PELO: variants seen among roughly 807,000 people sequenced by gnomAD.
The protein encoded by PELO is pelota mRNA surveillance and ribosome rescue factor.
In PELO, 19 loss-of-function variants were observed where a neutral mutation model predicts 25.9. That is an observed-to-expected ratio of 0.73 (90% CI 0.51 to 1.08). PELO has a LOEUF of 1.08. Among genes scored for constraint, PELO ranks in the 50% least tolerant of loss-of-function variants. PELO has a pLI of 0.00. For missense variants in PELO, 498 were observed against 491.4 expected, an observed-to-expected ratio of 1.01 and a Z score of -0.13; for synonymous variants, 196 against 192.2, an observed-to-expected ratio of 1.02 and a Z score of -0.16.
At chr5:52,791,616 C>T (rs1410252330) in intron 1 of PELO, among the ~76,000 whole-genome samples, 2 of 152,154 alleles carry the variant, frequency 1.3e-5, no homozygotes, top group Non-Finnish European at 2.9e-5. Flanking sequence ...CAACTTAACC[C>T]CGAAATGTAT....
In PELO at chr5:52,801,059, T is replaced by A; in HGVS notation, c.665T>A (p.Phe222Tyr). 1 of 1,613,382 alleles carries A rather than the reference T, an allele frequency of 6.2e-7. No individual in the cohort carries two copies. The highest frequency in any genetic ancestry group is 8.5e-7 in the Non-Finnish European group (1 of 1,179,712). ...AGGGAGCAGTTCTGCGACTACCTGTTTCAACAAGCAGTGAAGACCGACAAC... is the reference window on the plus strand; with the variant it reads ...AGGGAGCAGTTCTGCGACTACCTGTATCAACAAGCAGTGAAGACCGACAAC... Reference protein sequence around the residue: ...FVREQFCDYLFQQAVKTDNKL... With the variant: ...FVREQFCDYLYQQAVKTDNKL... The change falls in exon 2 of 3, where the codon TTT (phenylalanine) becomes TAT (tyrosine). Residue 222 changes from phenylalanine to tyrosine, a missense_variant. Transcript: ENST00000274311.
chr5:52,800,902 A>G lies in PELO; in HGVS notation c.508A>G (p.Lys170Glu). ...RAKVEVNIPR[K>E]RKGNCSQHDR... ...CAAGGTGGAGGTGAACATCCCTAGG[A>G]AAAGGAAAGGCAATTGCTCTCAGCA... is the stretch of plus-strand genomic sequence containing the variant. Residue 170 changes from lysine to glutamate, a missense_variant, in exon 2 of 3, where the codon AAA becomes GAA. By Grantham distance (56) the Lys-to-Glu change is moderately conservative. Coordinates refer to ENST00000274311, the MANE Select transcript of PELO (RefSeq NM_015946.5). 2 of 1,613,800 alleles carry G rather than the reference A, an allele frequency of 1.2e-6. No homozygotes were observed. Among genetic ancestry groups the G allele is most frequent in the Non-Finnish European group, 1.7e-6 (2 of 1,179,812 alleles).
chr5:52,789,467 A>T (rs1748196961), intron 1 of PELO, among the ~76,000 whole-genome samples: 1 of 152,200 alleles, frequency 6.6e-6, no homozygotes, highest in Non-Finnish European at 1.5e-5. Context: ...ATGGCCAAGC[A>T]TTGTTAAGTT....
rs1165254788 is a variant in PELO at position 52,788,289 on chromosome 5, AGCTCCCGC to A, written c.-633_-626del. On this transcript the variant is annotated 5_prime_UTR_variant, in exon 1 of 3. Transcript: ENST00000274311. ...GATAAGTGGCCCAGCCAGAGAGCGCAGCTCCCGCGCCCGGTCCTGCCCTGCGAACCAGC... is the reference window on the plus strand; with the variant it reads ...GATAAGTGGCCCAGCCAGAGAGCGCAGCCCGGTCCTGCCCTGCGAACCAGC... The A allele has an allele frequency of 9.2e-5, 118 of 1,289,120 alleles. No individual in the cohort carries two copies. The highest frequency in any genetic ancestry group is 1.2e-4 in the Non-Finnish European group (117 of 983,408). 79.9% of individuals were successfully genotyped at this position (1,289,120 alleles called of 1,614,324 possible).
chr5:52,801,473 G>A lies in PELO; in HGVS notation c.791G>A (p.Ser264Asn), dbSNP rs749226074. The A allele has an allele frequency of 3.1e-6, 5 of 1,614,098 alleles. No homozygotes were observed. In the South Asian group the frequency reaches 5.5e-5, roughly 18 times the overall value. The change falls in exon 3 of 3, where the codon AGC (serine) becomes AAC (asparagine). Residue 264 changes from serine to asparagine, a missense_variant. Coordinates refer to ENST00000274311, the MANE Select transcript of PELO (RefSeq NM_015946.5). ...KEALCDPTVA[S>N]RLSDTKAAGE... ...GCCCTTTGTGACCCTACTGTGGCTA[G>A]CCGCCTTTCAGACACTAAAGCTGCT...
chr5:52,791,263 G>A (rs1406988004), intron 1 of PELO, among the ~76,000 whole-genome samples: 2 of 152,146 alleles, frequency 1.3e-5, no homozygotes, highest in Non-Finnish European at 2.9e-5. Context: ...AAGAAAAGAG[G>A]GTGGAGCATC....
In PELO at chr5:52,788,062, T is replaced by G. The variant is rs1748156873; in HGVS notation, c.-863T>G. On this transcript the variant is annotated 5_prime_UTR_variant, in exon 1 of 3. It removes an upstream start codon present in the reference 5' UTR. Coordinates refer to ENST00000274311, the MANE Select transcript of PELO (RefSeq NM_015946.5). The stretch of plus-strand genomic sequence containing the variant: ...CCGCGAAGCTGGCTTTATTTGTCCA[T>G]GTCTCGGACAGAGCCTGGGAAGCTG... 2.7e-6 allele frequency: 1 copy of G among 373,216 alleles called. No homozygotes were observed. Among genetic ancestry groups the G allele is most frequent in the Admixed American group, 4.7e-5 (1 of 21,180 alleles). The allele number at this position is 373,216 out of a possible 1,614,324, so 23.1% of individuals were successfully genotyped here.
At chr5:52,790,192 T>C (rs560804325) in intron 1 of PELO, among the ~76,000 whole-genome samples, 1 of 152,350 alleles carries the variant, frequency 6.6e-6, no homozygotes, top group East Asian at 1.9e-4. Flanking sequence ...GTCTTCAATT[T>C]GAACCCAACT....
Position 52,801,928 on chromosome 5 carries a change from A to T in PELO, c.*88A>T. The T allele has an allele frequency of 1.9e-6, 2 of 1,030,380 alleles. No homozygotes were observed. The highest frequency in any genetic ancestry group is 3.4e-5 in the South Asian group (2 of 59,136). 63.8% of individuals were successfully genotyped at this position (1,030,380 alleles called of 1,614,324 possible). A position where few individuals can be genotyped will look rare whatever the true frequency, so the allele number is the denominator to read the frequency against. On this transcript the variant is annotated 3_prime_UTR_variant, in exon 3 of 3. Transcript: ENST00000274311. Reference sequence around the variant, plus strand: ...CATCCTTGTGACAGAAAGCTGCAAGAATGGCACTTTTTGATTCATACAGGG... The same window carrying T: ...CATCCTTGTGACAGAAAGCTGCAAGTATGGCACTTTTTGATTCATACAGGG...
intron 1 of PELO, among the ~76,000 whole-genome samples, chr5:52,792,292 G>T (rs1419889554): frequency 6.6e-6 from 1 of 152,126 alleles, no homozygotes; most frequent in Non-Finnish European, 1.5e-5. Context: ...GAGGAAGTCA[G>T]CCACTTATTC....
In PELO at chr5:52,800,205, G is replaced by A. The variant is rs1393744746; in HGVS notation, c.-190G>A. ...CGCAGCGCGCCGGGAGACTGAGAGA[G>A]GAAAGGATAGAGGAAGTGCTGCCCT... On this transcript the variant is annotated 5_prime_UTR_variant, in exon 2 of 3. Coordinates refer to ENST00000274311, the MANE Select transcript of PELO (RefSeq NM_015946.5). The A allele has an allele frequency of 1.6e-6, 1 of 610,544 alleles. No individual in the cohort carries two copies. Among genetic ancestry groups the A allele is most frequent in the Non-Finnish European group, 2.9e-6 (1 of 346,074 alleles). The allele number at this position is 610,544 out of a possible 1,614,324, so 37.8% of individuals were successfully genotyped here. A position where few individuals can be genotyped will look rare whatever the true frequency, so the allele number is the denominator to read the frequency against.
Position 52,803,259 on chromosome 5 carries a change from G to T in PELO, c.*1419G>T, listed in dbSNP as rs1157137. On this transcript the variant is annotated 3_prime_UTR_variant, in exon 3 of 3. Coordinates refer to ENST00000274311, the MANE Select transcript of PELO (RefSeq NM_015946.5). ...TCCCTATACTTTAAAACTCACATAT[G>T]TATATTTTTGTACATCTATCTCCTA... The T allele has an allele frequency of 0.91, 138,015 of 152,234 alleles. 62,633 individuals carry two copies. Among genetic ancestry groups the T allele is most frequent in the Middle Eastern group, 0.93 (273 of 292 alleles). 9.4% of individuals were successfully genotyped at this position (152,234 alleles called of 1,614,324 possible). A position where few individuals can be genotyped will look rare whatever the true frequency, so the allele number is the denominator to read the frequency against.
intron 1 of PELO, among the ~76,000 whole-genome samples, chr5:52,789,105 C>T (rs563187778): frequency 6.6e-6 from 1 of 152,186 alleles, no homozygotes; most frequent in South Asian, 2.1e-4. Flanking sequence ...GACTTAAAAA[C>T]ATAGTGGAAA....
rs1748500952 is a variant in PELO at position 52,802,094 on chromosome 5, G to A, written c.*254G>A. On this transcript the variant is annotated 3_prime_UTR_variant, in exon 3 of 3. Transcript: ENST00000274311. ...TTTTTATAGGAATTATGAGTTATCT[G>A]TAGTACTTGGAAACAGAAAATGTGT... is the stretch of plus-strand genomic sequence containing the variant. 2.6e-6 allele frequency: 1 copy of A among 379,710 alleles called. No homozygotes were observed. Among genetic ancestry groups the A allele is most frequent in the Non-Finnish European group, 4.8e-6 (1 of 209,342 alleles). 23.5% of individuals were successfully genotyped at this position (379,710 alleles called of 1,614,324 possible).
intron 1 of PELO, among the ~76,000 whole-genome samples, chr5:52,788,697 G>T (rs1204093008): frequency 1.3e-5 from 2 of 152,164 alleles, no homozygotes; most frequent in African/African-American, 4.8e-5. Context: ...AATTAAAGTT[G>T]TTTTTACAAT....
At chr5:52,790,160 C>T (rs1249447620) in intron 1 of PELO, among the ~76,000 whole-genome samples, 1 of 152,182 alleles carries the variant, frequency 6.6e-6, no homozygotes, top group African/African-American at 2.4e-5. Flanking sequence ...TCCATGCACA[C>T]TACTGTAGAG....
intron 1 of PELO, among the ~76,000 whole-genome samples, chr5:52,796,406 A>C (rs1035203582): frequency 1.3e-5 from 2 of 152,162 alleles, no homozygotes; most frequent in Admixed American, 1.3e-4. Flanking sequence ...ATACTGATAT[A>C]AAGTTACTGA....
At chr5:52,797,418 T>C (rs997638366) in intron 1 of PELO, among the ~76,000 whole-genome samples, 2 of 151,934 alleles carry the variant, frequency 1.3e-5, no homozygotes, top group African/African-American at 4.8e-5. Flanking sequence ...AGTAGAACAT[T>C]AGATCTTTCT....
In PELO at chr5:52,800,107, C is replaced by G. The variant is rs377327360; in HGVS notation, c.-288C>G. 3.1e-5 allele frequency: 12 copies of G among 384,998 alleles called. No individual in the cohort carries two copies. The highest frequency in any genetic ancestry group is 2.1e-4 in the African/African-American group (10 of 48,146). The allele number at this position is 384,998 out of a possible 1,614,324, so 23.8% of individuals were successfully genotyped here. The stretch of plus-strand genomic sequence containing the variant: ...GCGCATGCGCCTTCATTTCGTCAGC[C>G]CGCTGTTGCGTGCTGCCAGCGGGAA... On this transcript the variant is annotated 5_prime_UTR_variant, in exon 2 of 3. Coordinates refer to ENST00000274311, the MANE Select transcript of PELO (RefSeq NM_015946.5).
Sources: allele counts gnomAD v4.1 joint callset (sites outside exome capture counted in the v4.1 genomes callset), GRCh38; gene constraint gnomAD v4.1.1; transcripts MANE v1.5; gene names NCBI Gene and HGNC (gene_info 2026-07-23, HGNC 2026-07-21).